HS3ST5: variants seen among roughly 807,000 people sequenced by gnomAD.
HS3ST5 encodes the protein heparan sulfate-glucosamine 3-sulfotransferase 5.
HS3ST5 carries 10 observed loss-of-function variants against 25.4 expected under a neutral mutation model. The observed-to-expected ratio is 0.39, with a 90% CI of 0.24 to 0.67. The LOEUF is 0.67. HS3ST5 is among the 30% of genes least tolerant of loss of function. The pLI is 0.44. For synonymous variants in HS3ST5, 170 were observed against 162.4 expected (o/e 1.05, Z -0.36); for missense variants, 324 against 420.7 (o/e 0.77, Z 2.01).
chr6:114,286,675 C>T (rs1026455181), intron 1 of HS3ST5, among the ~76,000 whole-genome samples: 1 of 151,796 alleles, frequency 6.6e-6, no homozygotes, highest in African/African-American at 2.4e-5. Flanking sequence ...ATTGAATTAC[C>T]AGTGACTTAT....
chr6:114,258,060 G>T (rs1372551383), intron 1 of HS3ST5, among the ~76,000 whole-genome samples: 1 of 152,186 alleles, frequency 6.6e-6, no homozygotes, highest in East Asian at 1.9e-4. Flanking sequence ...TGCCCAGCTT[G>T]TTTCTATTTA....
chr6:114,204,342 A>C (rs1412959416), intron 2 of HS3ST5, among the ~76,000 whole-genome samples: 1 of 152,198 alleles, frequency 6.6e-6, no homozygotes, highest in African/African-American at 2.4e-5. Flanking sequence ...CTAGGTCCCA[A>C]CATGCATTAT....
intron 1 of HS3ST5, among the ~76,000 whole-genome samples, chr6:114,240,118 C>T (rs1313405428): frequency 6.6e-6 from 1 of 152,088 alleles, no homozygotes; most frequent in African/African-American, 2.4e-5. Flanking sequence ...TCTCCCTTTT[C>T]ACAGGACCAT....
At chr6:114,116,950 T>C (rs1178915660) in intron 3 of HS3ST5, among the ~76,000 whole-genome samples, 1 of 152,112 alleles carries the variant, frequency 6.6e-6, no homozygotes, top group Non-Finnish European at 1.5e-5. Context: ...AACTGAATAA[T>C]GAATGCATGA....
intron 1 of HS3ST5, among the ~76,000 whole-genome samples, chr6:114,316,229 A>G (rs1038106164): frequency 6.6e-6 from 1 of 152,158 alleles, no homozygotes; most frequent in Non-Finnish European, 1.5e-5. Context: ...TATTTTTTGT[A>G]TTTTAGTAGT....
At chr6:114,302,069 T>A (rs1775099182) in intron 1 of HS3ST5, among the ~76,000 whole-genome samples, 1 of 152,204 alleles carries the variant, frequency 6.6e-6, no homozygotes, top group Admixed American at 6.5e-5. Context: ...TTGCAAATAT[T>A]TGAAGTTACC....
chr6:114,129,006 T>C (rs1196067460), intron 3 of HS3ST5, among the ~76,000 whole-genome samples: 1 of 151,362 alleles, frequency 6.6e-6, no homozygotes, highest in Admixed American at 6.6e-5. Context: ...GCCAAGTTTC[T>C]GGATTGTTTA....
intron 4 of HS3ST5, among the ~76,000 whole-genome samples, chr6:114,061,172 G>C (rs1466380244): frequency 6.6e-6 from 1 of 152,190 alleles, no homozygotes; most frequent in African/African-American, 2.4e-5. Context: ...TAATGCATTA[G>C]TGATCATTAG....
At chr6:114,182,673 T>C (rs748986935) in intron 2 of HS3ST5, among the ~76,000 whole-genome samples, 2 of 152,174 alleles carry the variant, frequency 1.3e-5, no homozygotes, top group Admixed American at 6.5e-5. Flanking sequence ...GTGAATATTA[T>C]CCTACATGTG....
Position 114,342,902 on chromosome 6 carries a change from C to G in HS3ST5, c.-1046G>C, listed in dbSNP as rs961042667. On this transcript the variant is annotated 5_prime_UTR_variant, in exon 1 of 5. Coordinates refer to ENST00000312719, the MANE Select transcript of HS3ST5 (RefSeq NM_153612.4). ...CGCCCGGCCCCCAGAGCGCCCGAGCCGGCAGCTGCCTCCCGGAGACGTGCC... is the reference window on the plus strand; with the variant it reads ...CGCCCGGCCCCCAGAGCGCCCGAGCGGGCAGCTGCCTCCCGGAGACGTGCC... 5 of 152,628 alleles carry G rather than the reference C, an allele frequency of 3.3e-5. No individual in the cohort carries two copies. The highest frequency in any genetic ancestry group is 2.6e-4 in the Admixed American group (4 of 15,292). 9.5% of individuals were successfully genotyped at this position (152,628 alleles called of 1,614,324 possible).
At chr6:114,236,264 C>T (rs982379376) in intron 1 of HS3ST5, among the ~76,000 whole-genome samples, 5 of 152,138 alleles carry the variant, frequency 3.3e-5, no homozygotes, top group Admixed American at 2.6e-4. Flanking sequence ...ATAATTAGTA[C>T]AAATCATATG....
chr6:114,285,607 A>G (rs115476075), intron 1 of HS3ST5, among the ~76,000 whole-genome samples: 2,075 of 152,056 alleles, frequency 0.014, 46 homozygotes, highest in African/African-American at 0.047. Flanking sequence ...TTCCACTCAT[A>G]TGAGGTATAT....
At chr6:114,172,428 T>C (rs940841801) in intron 2 of HS3ST5, among the ~76,000 whole-genome samples, 1 of 152,222 alleles carries the variant, frequency 6.6e-6, no homozygotes, top group Non-Finnish European at 1.5e-5. Context: ...GTTTAACATT[T>C]CAACTATCAA....
At chr6:114,152,438 CT>C (rs1778502157) in intron 3 of HS3ST5, among the ~76,000 whole-genome samples, 1 of 152,046 alleles carries the variant, frequency 6.6e-6, no homozygotes, top group Non-Finnish European at 1.5e-5. Context: ...GAAATTTAAG[CT>C]TTTGAGGATA....
intron 1 of HS3ST5, among the ~76,000 whole-genome samples, chr6:114,311,216 A>G (rs1168058640): frequency 1.3e-5 from 2 of 152,316 alleles, no homozygotes; most frequent in Admixed American, 6.5e-5. Context: ...ACTTTCAAAT[A>G]ATAAAATCTG....
At chr6:114,169,249 A>G (rs1241681564) in intron 2 of HS3ST5, among the ~76,000 whole-genome samples, 1 of 152,030 alleles carries the variant, frequency 6.6e-6, no homozygotes, top group African/African-American at 2.4e-5. Context: ...CTAGAAACCC[A>G]TCTTTTACTT....
chr6:114,331,953 T>C (rs932543602), intron 1 of HS3ST5, among the ~76,000 whole-genome samples: 8 of 152,086 alleles, frequency 5.3e-5, no homozygotes, highest in African/African-American at 1.7e-4. Context: ...TCCTCTGCTT[T>C]GTAGAGAAAA....
intron 1 of HS3ST5, among the ~76,000 whole-genome samples, chr6:114,268,081 A>G (rs1430119295): frequency 6.6e-6 from 1 of 152,126 alleles, no homozygotes; most frequent in Non-Finnish European, 1.5e-5. Flanking sequence ...TCAACCTATG[A>G]TTGGGCAGGG....
chr6:114,284,381 G>A (rs1308883580), intron 1 of HS3ST5, among the ~76,000 whole-genome samples: 1 of 151,840 alleles, frequency 6.6e-6, no homozygotes, highest in Admixed American at 6.6e-5. Flanking sequence ...CTTTTTTTGT[G>A]TGAGTTCCTT....
Sources: gnomAD v4.1 joint callset for allele counts (sites outside exome capture counted in the v4.1 genomes callset) on GRCh38, gnomAD v4.1.1 for gene constraint, MANE v1.5 for transcripts, NCBI Gene and HGNC (gene_info 2026-07-23, HGNC 2026-07-21) for gene names.